Variants in KCTD16 observed in about 807,000 individuals in gnomAD.
The protein encoded by KCTD16 is BTB/POZ domain-containing protein KCTD16.
Under a neutral mutation model 33.2 loss-of-function variants are expected in KCTD16, and 13 were observed. The ratio of observed to expected loss-of-function variants is 0.39; its 90% CI spans 0.25 to 0.62. KCTD16 has a LOEUF of 0.62. KCTD16 is among the 20% of genes least tolerant of loss of function. KCTD16 has a pLI of 0.50. For missense variants in KCTD16, 441 were observed against 525.1 expected (o/e 0.84, Z 1.57); for synonymous variants, 197 against 195.3 (o/e 1.01, Z -0.07).
intron 3 of KCTD16, among the ~76,000 whole-genome samples, chr5:144,410,143 G>T (rs549332566): frequency 1.4e-4 from 21 of 152,156 alleles, no homozygotes; most frequent in Non-Finnish European, 2.6e-4. Context: ...AGGAGGAGAT[G>T]ACTGGGAAAT....
intron 3 of KCTD16, among the ~76,000 whole-genome samples, chr5:144,226,808 G>A (rs1753946525): frequency 6.6e-6 from 1 of 152,094 alleles, no homozygotes; most frequent in Non-Finnish European, 1.5e-5. Flanking sequence ...CCTGACCTCA[G>A]GTGATCTGCC....
intron 3 of KCTD16, among the ~76,000 whole-genome samples, chr5:144,254,957 G>T (rs1015771633): frequency 1.3e-5 from 2 of 151,916 alleles, no homozygotes; most frequent in African/African-American, 4.8e-5. Context: ...AGGGATGGGG[G>T]TCTCACTATA....
intron 3 of KCTD16, among the ~76,000 whole-genome samples, chr5:144,243,725 C>T (rs1754467064): frequency 6.6e-6 from 1 of 152,034 alleles, no homozygotes. Context: ...CTTCTGTCCC[C>T]ATGAATACTC....
At chr5:144,372,578 G>C (rs1751993496) in intron 3 of KCTD16, among the ~76,000 whole-genome samples, 1 of 152,174 alleles carries the variant, frequency 6.6e-6, no homozygotes, top group African/African-American at 2.4e-5. Context: ...GAAGAAGCCT[G>C]ATTCAGCCAA....
intron 3 of KCTD16, among the ~76,000 whole-genome samples, chr5:144,353,930 A>C (rs1032306020): frequency 2.0e-5 from 3 of 151,970 alleles, no homozygotes; most frequent in Non-Finnish European, 2.9e-5. Flanking sequence ...TATCTTTTTC[A>C]TTTGAACTCA....
intron 3 of KCTD16, among the ~76,000 whole-genome samples, chr5:144,293,874 C>T (rs2126864254): frequency 6.6e-6 from 1 of 152,278 alleles, no homozygotes; most frequent in African/African-American, 2.4e-5. Flanking sequence ...ATTAAAACCG[C>T]AGGGGCTGGG....
At chr5:144,293,311 C>T (rs1332663638) in intron 3 of KCTD16, among the ~76,000 whole-genome samples, 2 of 152,146 alleles carry the variant, frequency 1.3e-5, no homozygotes, top group African/African-American at 4.8e-5. Context: ...CTGAAATTAG[C>T]TGCTTCCCTA....
chr5:144,400,620 C>G (rs1483195197), intron 3 of KCTD16, among the ~76,000 whole-genome samples: 1 of 152,136 alleles, frequency 6.6e-6, no homozygotes, highest in East Asian at 1.9e-4. Context: ...GTGCCAGGCA[C>G]TGTTTTACAT....
At chr5:144,406,211 C>A (rs767636617) in intron 3 of KCTD16, among the ~76,000 whole-genome samples, 9 of 152,162 alleles carry the variant, frequency 5.9e-5, no homozygotes, top group Admixed American at 1.3e-4. Flanking sequence ...AGCAAGCACA[C>A]AGTGTTTTAG....
chr5:144,265,497 C>T (rs911567070), intron 3 of KCTD16, among the ~76,000 whole-genome samples: 4 of 152,132 alleles, frequency 2.6e-5, no homozygotes, highest in African/African-American at 7.2e-5. Flanking sequence ...AGGAAACAAC[C>T]CAGGATCTTG....
At chr5:144,188,708 A>T (rs1018290155) in intron 2 of KCTD16, among the ~76,000 whole-genome samples, 1 of 152,256 alleles carries the variant, frequency 6.6e-6, no homozygotes, top group Non-Finnish European at 1.5e-5. Context: ...GTATCAACAG[A>T]TAAATAACTT....
intron 3 of KCTD16, among the ~76,000 whole-genome samples, chr5:144,250,268 C>T (rs941736993): frequency 6.6e-6 from 1 of 152,148 alleles, no homozygotes; most frequent in Non-Finnish European, 1.5e-5. Flanking sequence ...TGGGTTATTT[C>T]CAGCAGAGCT....
At chr5:144,465,948 C>T (rs1298536436) in intron 3 of KCTD16, among the ~76,000 whole-genome samples, 1 of 152,050 alleles carries the variant, frequency 6.6e-6, no homozygotes, top group Non-Finnish European at 1.5e-5. Context: ...AAGTGATTCT[C>T]CAGTCTCAGC....
intron 3 of KCTD16, among the ~76,000 whole-genome samples, chr5:144,309,777 T>C (rs1399013536): frequency 6.6e-6 from 1 of 152,114 alleles, no homozygotes; most frequent in Admixed American, 6.6e-5. Flanking sequence ...TGGACCATTT[T>C]GGGACATTAT....
chr5:144,418,026 A>C (rs1276024738), intron 3 of KCTD16, among the ~76,000 whole-genome samples: 1 of 152,008 alleles, frequency 6.6e-6, no homozygotes, highest in Non-Finnish European at 1.5e-5. Context: ...AGTCTTGCTG[A>C]CTTCAGGTGT....
At chr5:144,273,850 A>G (rs1213454509) in intron 3 of KCTD16, among the ~76,000 whole-genome samples, 1 of 151,956 alleles carries the variant, frequency 6.6e-6, no homozygotes, top group Non-Finnish European at 1.5e-5. Context: ...AGTCATAGAG[A>G]TGGATGGTGG....
intron 3 of KCTD16, among the ~76,000 whole-genome samples, chr5:144,413,761 T>C (rs1378938819): frequency 1.3e-5 from 2 of 152,218 alleles, no homozygotes; most frequent in African/African-American, 4.8e-5. Flanking sequence ...ATGCATACTC[T>C]GGAATGAATA....
At chr5:144,271,994 C>T (rs570115325) in intron 3 of KCTD16, among the ~76,000 whole-genome samples, 56 of 151,954 alleles carry the variant, frequency 3.7e-4, no homozygotes, top group Non-Finnish European at 5.3e-4. Flanking sequence ...AATTACAAAA[C>T]CCTGCTGAAA....
intron 2 of KCTD16, among the ~76,000 whole-genome samples, chr5:144,190,335 G>C (rs1752816532): frequency 6.6e-6 from 1 of 152,110 alleles, no homozygotes; most frequent in Admixed American, 6.5e-5. Context: ...GTACATTTGC[G>C]TAAGATCACT....
Sources: gnomAD v4.1 joint callset for allele counts (sites outside exome capture counted in the v4.1 genomes callset) on GRCh38, gnomAD v4.1.1 for gene constraint, MANE v1.5 for transcripts, NCBI Gene and HGNC (gene_info 2026-07-23, HGNC 2026-07-21) for gene names.